The following ZMYND8 variants were observed in gnomAD, a reference collection of about 807,000 sequenced individuals.
ZMYND8 encodes zinc finger MYND-type containing 8.
ZMYND8 carries 37 observed loss-of-function variants against 140.8 expected under a neutral mutation model. The ratio of observed to expected loss-of-function variants is 0.26; its 90% CI spans 0.20 to 0.35. The LOEUF (loss-of-function observed/expected upper bound fraction) is 0.35. Ranked by LOEUF, ZMYND8 falls within the 10% of genes least tolerant of loss-of-function variation. ZMYND8 has a pLI of 1.00. For missense variants in ZMYND8, 1,068 were observed against 1,570.0 expected (o/e 0.68, Z 5.40); for synonymous variants, 592 against 597.1 (o/e 0.99, Z 0.12).
chr20:47,282,234 A>C lies in ZMYND8; in HGVS notation c.883-17T>G, dbSNP rs373362771. ...TGGATTGCTCTAGGAAAAGAAAAACAAGATCCAGAGTTTGTACATATTTGA... is the reference window on the plus strand; with the variant it reads ...TGGATTGCTCTAGGAAAAGAAAAACCAGATCCAGAGTTTGTACATATTTGA... On this transcript the variant is annotated splice_polypyrimidine_tract_variant and intron_variant, in intron 9 of 22. Coordinates refer to ENST00000471951, the MANE Select transcript of ZMYND8 (RefSeq NM_001281775.3). 5.6e-6 allele frequency: 9 copies of C among 1,606,252 alleles called. No individual in the cohort carries two copies. The African/African-American group carries it at 1.2e-4, about 22-fold the overall frequency.
rs140861385 is a variant in ZMYND8, at chr20:47,253,665, C to T, written c.1622-4226G>A. Among the ~76,000 whole-genome samples the T allele has an allele frequency of 6.2e-3, 942 of 152,262 alleles. 5 individuals are homozygous for T. Among genetic ancestry groups the T allele is most frequent in the Non-Finnish European group, 0.01 (694 of 68,018 alleles). On this transcript the variant is annotated intron_variant, in intron 12 of 22. Transcript: ENST00000471951. ...AAAGAAAACTCACTATTTGCCTTAA[C>T]TCCTGTGTGTGTGTTAACAGGACAA... is the stretch of plus-strand genomic sequence containing the variant.
chr20:47,249,144 T>C (rs1463007074), intron 13 of ZMYND8, 143 bp downstream of exon 13: 14 of 1,003,570 alleles, frequency 1.4e-5, no homozygotes, highest in Non-Finnish European at 2.0e-5. Flanking sequence ...AGTGGAAATA[T>C]ATTTTAGCTG....
At chr20:47,230,068 A>G (rs1220217648) in intron 16 of ZMYND8, among the ~76,000 whole-genome samples, 2 of 152,186 alleles carry the variant, frequency 1.3e-5, no homozygotes, top group Admixed American at 6.5e-5. Flanking sequence ...AGGACCCCAC[A>G]CAAAAAACAA....
chr20:47,314,478 G>A (rs907724286), intron 2 of ZMYND8, among the ~76,000 whole-genome samples: 9 of 152,154 alleles, frequency 5.9e-5, no homozygotes, highest in Non-Finnish European at 8.8e-5. Context: ...CAGCCTGGGC[G>A]AAAGAGAGAG....
In ZMYND8 at chr20:47,293,110, A is replaced by AGAAGGAAG. The variant is rs1326632608; in HGVS notation, c.568-1230_568-1223dup. On this transcript the variant is annotated intron_variant, in intron 5 of 22. Transcript: ENST00000471951. Reference sequence around the variant, plus strand: ...TAGGGAGGGAGGGAGGGACGAGGAAAGAAGGAAGGAAGGAAGGAAGGAAGG... The same window carrying AGAAGGAAG: ...TAGGGAGGGAGGGAGGGACGAGGAAAGAAGGAAGGAAGGAAGGAAGGAAGGAAGGAAGG... 4.2e-4 allele frequency among the ~76,000 whole-genome samples: 23 copies of AGAAGGAAG among 55,328 alleles called. 1 individual carries two copies. Among genetic ancestry groups the AGAAGGAAG allele is most frequent in the African/African-American group, 1.5e-3 (14 of 9,314 alleles). The allele number at this position is 55,328 out of a possible 152,430, so 36.3% of individuals were successfully genotyped here. A position where few individuals can be genotyped will look rare whatever the true frequency, so the allele number is the denominator to read the frequency against.
chr20:47,296,007 A>G (rs1211819404), intron 4 of ZMYND8, among the ~76,000 whole-genome samples: 1 of 152,150 alleles, frequency 6.6e-6, no homozygotes, highest in Non-Finnish European at 1.5e-5. Context: ...TTGTCGAGGA[A>G]AAGGCCAACA....
chr20:47,283,519 A>G (rs1351990922), intron 9 of ZMYND8, 52 bp downstream of exon 9: 2 of 1,598,358 alleles, frequency 1.3e-6, no homozygotes, highest in Non-Finnish European at 8.6e-7. Context: ...CAGGGTAGTC[A>G]TCCAAGGCAC....
intron 2 of ZMYND8, chr20:47,318,871 A>G (rs1569186610): frequency 8.9e-7 from 1 of 1,125,904 alleles, no homozygotes; most frequent in Non-Finnish European, 1.2e-6. Context: ...ACTTGGGGAA[A>G]ATGGCATTTC....
chr20:47,251,655 T>G (rs992007694), intron 12 of ZMYND8, among the ~76,000 whole-genome samples: 1 of 151,852 alleles, frequency 6.6e-6, no homozygotes, highest in African/African-American at 2.4e-5. Flanking sequence ...GCAAGAAATC[T>G]GAAGTAGCTT....
At chr20:47,297,602 T>A (rs2077725569) in intron 4 of ZMYND8, among the ~76,000 whole-genome samples, 1 of 152,090 alleles carries the variant, frequency 6.6e-6, no homozygotes, top group Admixed American at 6.6e-5. Context: ...CTTTAAACTT[T>A]CTGTGGAGAT....
intron 17 of ZMYND8, 145 bp downstream of exon 17, chr20:47,229,581 A>G: frequency 2.9e-6 from 2 of 697,896 alleles, no homozygotes; most frequent in Non-Finnish European, 4.9e-6. Context: ...AAATACCCCC[A>G]TCGATAATGA....
At chr20:47,270,755 A>AT (rs900527865) in intron 11 of ZMYND8, among the ~76,000 whole-genome samples, 4 of 150,250 alleles carry the variant, frequency 2.7e-5, no homozygotes, top group Non-Finnish European at 4.4e-5. Context: ...AGTAGTTCCC[A>AT]TTTTTTTTAA....
chr20:47,345,751 C>T (rs533519972), intron 2 of ZMYND8, among the ~76,000 whole-genome samples: 13 of 151,882 alleles, frequency 8.6e-5, no homozygotes, highest in African/African-American at 3.1e-4. Flanking sequence ...TCAGACAATC[C>T]ACCCGCCTCG....
intron 3 of ZMYND8, among the ~76,000 whole-genome samples, chr20:47,304,649 T>C (rs1342293588): frequency 2.6e-5 from 4 of 152,220 alleles, no homozygotes; most frequent in South Asian, 4.1e-4. Flanking sequence ...AAAAAAACCA[T>C]AGCTTCAGCT....
chr20:47,228,108 AT>A (rs1313423606), intron 17 of ZMYND8, among the ~76,000 whole-genome samples: 1 of 150,426 alleles, frequency 6.6e-6, no homozygotes, highest in African/African-American at 2.5e-5. Flanking sequence ...AAAAAAAAAA[AT>A]TTAATTTAAA....
intron 21 of ZMYND8, among the ~76,000 whole-genome samples, chr20:47,215,031 G>A (rs182692004): frequency 2.6e-5 from 4 of 152,182 alleles, no homozygotes; most frequent in Admixed American, 2.6e-4. Context: ...GGCCAGCCTC[G>A]GCAACAAGGC....
intron 1 of ZMYND8, chr20:47,349,911 A>G (rs1240667641): frequency 6.5e-7 from 1 of 1,535,594 alleles, no homozygotes; most frequent in South Asian, 1.2e-5. Flanking sequence ...TTGATCATGG[A>G]GGAAGGCTGC....
chr20:47,260,391 C>T (rs1482285276), intron 12 of ZMYND8, among the ~76,000 whole-genome samples: 3 of 152,146 alleles, frequency 2.0e-5, no homozygotes, highest in South Asian at 4.2e-4. Context: ...GTACTGTCTC[C>T]GACTCCACGG....
chr20:47,277,263 TCA>T (rs1274883770), intron 10 of ZMYND8, among the ~76,000 whole-genome samples: 1 of 152,242 alleles, frequency 6.6e-6, no homozygotes, highest in African/African-American at 2.4e-5. Flanking sequence ...GTAAGATAAT[TCA>T]CACAGAAAAT....
Sources: gnomAD v4.1 joint callset for allele counts (sites outside exome capture counted in the v4.1 genomes callset) on GRCh38, gnomAD v4.1.1 for gene constraint, MANE v1.5 for transcripts, NCBI Gene and HGNC (gene_info 2026-07-23, HGNC 2026-07-21) for gene names.